NOMO2: variants seen among roughly 807,000 people sequenced by gnomAD.
NOMO2 encodes BOS complex subunit NOMO2.
Under a neutral mutation model 67.1 loss-of-function variants are expected in NOMO2, and 14 were observed. The ratio of observed to expected loss-of-function variants is 0.21; its 90% CI spans 0.14 to 0.33. NOMO2 has a LOEUF of 0.33. Ranked by LOEUF, NOMO2 falls within the 10% of genes least tolerant of loss-of-function variation. The probability of loss-of-function intolerance (pLI) is 1.00; values close to 1 mark genes in which losing one functional copy is unlikely to be tolerated. For missense variants in NOMO2, 178 were observed against 761.0 expected, an observed-to-expected ratio of 0.23 and a Z score of 9.01; for synonymous variants, 80 against 305.9, an observed-to-expected ratio of 0.26 and a Z score of 7.71.
chr16:18,557,134 G>GAA (rs961562530), intron 2 of NOMO2, among the ~76,000 whole-genome samples: 1 of 145,388 alleles, frequency 6.9e-6, no homozygotes, highest in African/African-American at 2.5e-5. Flanking sequence ...CTCAAAAGAA[G>GAA]AAAAAAAAAA....
Position 18,543,719 on chromosome 16 carries a change from G to C in NOMO2, c.633C>G (p.Pro211=). The C allele has an allele frequency of 1.2e-6, 2 of 1,610,620 alleles. No individual in the cohort carries two copies. Among genetic ancestry groups the C allele is most frequent in the Non-Finnish European group, 1.7e-6 (2 of 1,179,404 alleles). ...VTNSNANAAS[P]LIVAGYNVSG... ...ACACATTGTAGCCAGCAACTATGAG[G>C]GGACTGGCCGCATTGGCATTGGAGT... Residue 211 remains proline, a synonymous_variant, in exon 7 of 31, where the codon CCC becomes CCG. Coordinates refer to ENST00000622306, the MANE Select transcript of NOMO2 (RefSeq NM_173614.4).
chr16:18,528,860 C>T (rs866534987), intron 15 of NOMO2, among the ~76,000 whole-genome samples: 3 of 146,622 alleles, frequency 2.0e-5, no homozygotes, highest in Admixed American at 6.8e-5. Flanking sequence ...CCCAGCTACT[C>T]GGGGGGCTGA....
At chr16:18,553,609 G>A (rs1020534748) in intron 3 of NOMO2, among the ~76,000 whole-genome samples, 1 of 148,498 alleles carries the variant, frequency 6.7e-6, no homozygotes, top group African/African-American at 2.5e-5. Context: ...ACATGGGTGT[G>A]TTCACTTAGT....
At chr16:18,558,048 T>C (rs1417981842) in intron 1 of NOMO2, among the ~76,000 whole-genome samples, 1 of 151,074 alleles carries the variant, frequency 6.6e-6, no homozygotes, top group Non-Finnish European at 1.5e-5. Flanking sequence ...CTGTTTATTT[T>C]AGTGGCTGTC....
At chr16:18,545,300 G>A (rs949744260) in intron 6 of NOMO2, among the ~76,000 whole-genome samples, 2 of 149,662 alleles carry the variant, frequency 1.3e-5, no homozygotes, top group Non-Finnish European at 3.0e-5. Flanking sequence ...GTTTCACCAT[G>A]TTGGCCAGGT....
intron 7 of NOMO2, 88 bp downstream of exon 7, chr16:18,543,529 C>A: frequency 6.3e-7 from 1 of 1,598,662 alleles, no homozygotes; most frequent in South Asian, 1.1e-5. Context: ...CAACTCAGAC[C>A]TGCATTTTTT....
intron 1 of NOMO2, among the ~76,000 whole-genome samples, chr16:18,559,944 T>C (rs1311773942): frequency 6.6e-6 from 1 of 151,850 alleles, no homozygotes; most frequent in Non-Finnish European, 1.5e-5. Flanking sequence ...TTGTCTGTTC[T>C]GTTCACTGTA....
At chr16:18,548,581 C>T (rs1250319360) in intron 5 of NOMO2, among the ~76,000 whole-genome samples, 1 of 151,930 alleles carries the variant, frequency 6.6e-6, no homozygotes, top group African/African-American at 2.4e-5. Context: ...TAAATAAATG[C>T]TTTAAATCTG....
chr16:18,561,079 CT>C (rs1902026752), intron 1 of NOMO2, among the ~76,000 whole-genome samples: 1 of 148,560 alleles, frequency 6.7e-6, no homozygotes, highest in Non-Finnish European at 1.5e-5. Flanking sequence ...CATTCTGCCC[CT>C]ACCTCCATCC....
chr16:18,526,445 G>A (rs965702210), intron 16 of NOMO2, among the ~76,000 whole-genome samples: 13 of 151,770 alleles, frequency 8.6e-5, no homozygotes, highest in Non-Finnish European at 1.5e-4. Flanking sequence ...GAAAACATAC[G>A]GACACAAAGA....
At chr16:18,527,233 A>G (rs560323196) in intron 16 of NOMO2, among the ~76,000 whole-genome samples, 2 of 149,246 alleles carry the variant, frequency 1.3e-5, no homozygotes, top group African/African-American at 4.9e-5. Context: ...AAAAAGAGAA[A>G]AAAAAATGAG....
chr16:18,547,791 A>G (rs1408071527), intron 5 of NOMO2, among the ~76,000 whole-genome samples: 1 of 151,648 alleles, frequency 6.6e-6, no homozygotes, highest in Non-Finnish European at 1.5e-5. Flanking sequence ...AGGGTAAACT[A>G]TGACAAGCTT....
intron 6 of NOMO2, among the ~76,000 whole-genome samples, chr16:18,545,437 ACCCCC>A (rs1216787517): frequency 6.6e-6 from 1 of 151,712 alleles, no homozygotes; most frequent in Non-Finnish European, 1.5e-5. Flanking sequence ...GAAGAGAAAA[ACCCCC>A]AAAACCAAAA....
chr16:18,533,878 CT>C (rs1270068733), intron 11 of NOMO2: 5 of 151,556 alleles, frequency 3.3e-5, no homozygotes, highest in African/African-American at 1.2e-4. Flanking sequence ...AGAGGCCCCC[CT>C]ACAACGACCA....
chr16:18,539,656 C>T (rs1341905943), intron 9 of NOMO2, among the ~76,000 whole-genome samples: 1 of 151,864 alleles, frequency 6.6e-6, no homozygotes, highest in African/African-American at 2.4e-5. Flanking sequence ...ACTCGGGAGG[C>T]TGAGGCAGGA....
At chr16:18,525,508 T>C (rs1251723168) in intron 16 of NOMO2, among the ~76,000 whole-genome samples, 1 of 151,538 alleles carries the variant, frequency 6.6e-6, no homozygotes, top group African/African-American at 2.4e-5. Context: ...AGGCCATCCT[T>C]CCCCAGGGAA....
chr16:18,551,947 T>C (rs1253495873), intron 3 of NOMO2, among the ~76,000 whole-genome samples: 2 of 151,686 alleles, frequency 1.3e-5, no homozygotes, highest in Admixed American at 6.6e-5. Context: ...CAGGCAGTAA[T>C]AGCTGCAATT....
chr16:18,520,722 A>G, intron 19 of NOMO2, 43 bp from the exon 20 acceptor site: 1 of 1,609,176 alleles, frequency 6.2e-7, no homozygotes. Context: ...TCCTGTCCCC[A>G]CAAAACAGAG....
Position 18,533,300 on chromosome 16 carries a change from A to G in NOMO2, c.1221-121T>C, listed in dbSNP as rs1026455647. 5 of 1,040,424 alleles carry G rather than the reference A, an allele frequency of 4.8e-6. No homozygotes were observed. In the African/African-American group the frequency reaches 6.2e-5, roughly 13 times the overall value. 64.4% of individuals were successfully genotyped at this position (1,040,424 alleles called of 1,614,324 possible). On this transcript the variant is annotated intron_variant, in intron 11 of 30. Transcript: ENST00000622306. Reference sequence around the variant, plus strand: ...TGTTCCTGAGAATAGTCTAATCTTAATGAAGAGACAGAATGCAGTCCAGAT... The same window carrying G: ...TGTTCCTGAGAATAGTCTAATCTTAGTGAAGAGACAGAATGCAGTCCAGAT...
Sources: allele counts gnomAD v4.1 joint callset (sites outside exome capture counted in the v4.1 genomes callset), GRCh38; gene constraint gnomAD v4.1.1; transcripts MANE v1.5; gene names NCBI Gene and HGNC (gene_info 2026-07-23, HGNC 2026-07-21).